EPHA3: variants seen among roughly 807,000 people sequenced by gnomAD.
The protein encoded by EPHA3 is EPH receptor A3.
A neutral mutation model predicts 107.1 loss-of-function variants in EPHA3; 42 were observed. The ratio of observed to expected loss-of-function variants is 0.39; its 90% confidence interval spans 0.31 to 0.51. The LOEUF (loss-of-function observed/expected upper bound fraction) is 0.51. EPHA3 is among the 20% of genes least tolerant of loss of function. The pLI is 0.78. For synonymous variants in EPHA3, 461 were observed against 424.8 expected, an observed-to-expected ratio of 1.09 and a Z score of -1.05; for missense variants, 1,183 against 1,211.2, an observed-to-expected ratio of 0.98 and a Z score of 0.35.
intron 5 of EPHA3, among the ~76,000 whole-genome samples, chr3:89,358,409 A>G (rs1298089115): frequency 6.6e-6 from 1 of 151,126 alleles, no homozygotes; most frequent in African/African-American, 2.4e-5. Flanking sequence ...AACACACTCA[A>G]TTACTTGCCT....
intron 5 of EPHA3, among the ~76,000 whole-genome samples, chr3:89,393,610 A>T (rs1708787959): frequency 6.6e-6 from 1 of 152,156 alleles, no homozygotes; most frequent in East Asian, 1.9e-4. Context: ...TGCTCTTGAA[A>T]CCAACATTAA....
chr3:89,440,262 G>A (rs1709758460), intron 13 of EPHA3, among the ~76,000 whole-genome samples: 1 of 152,114 alleles, frequency 6.6e-6, no homozygotes, highest in Non-Finnish European at 1.5e-5. Context: ...AACCTGAGAA[G>A]CTAATATTTC....
chr3:89,324,019 G>T (rs551230409), intron 3 of EPHA3, among the ~76,000 whole-genome samples: 31 of 151,966 alleles, frequency 2.0e-4, no homozygotes, highest in African/African-American at 7.0e-4. Context: ...TGCTAACTTG[G>T]CATTTCCTAT....
intron 7 of EPHA3, chr3:89,400,259 TCTCGGCTCACTGCAAG>T (rs2107509829): frequency 4.5e-6 from 1 of 222,390 alleles, no homozygotes; most frequent in East Asian, 1.2e-4. Flanking sequence ...AGCAGAGCGA[TCTCGGCTCACTGCAAG>T]CTCCTGCAAG....
At chr3:89,441,654 A>C (rs1709789364) in intron 13 of EPHA3, among the ~76,000 whole-genome samples, 1 of 152,176 alleles carries the variant, frequency 6.6e-6, no homozygotes, top group East Asian at 1.9e-4. Context: ...AGAAAAAAAT[A>C]ACACTCATGC....
chr3:89,305,167 T>A (rs963329271), intron 3 of EPHA3, among the ~76,000 whole-genome samples: 3 of 152,164 alleles, frequency 2.0e-5, no homozygotes, highest in Non-Finnish European at 4.4e-5. Context: ...TTCTCACAAG[T>A]TTTTTCTTTT....
At chr3:89,276,370 C>A (rs2137487) in intron 3 of EPHA3, among the ~76,000 whole-genome samples, 16 of 151,854 alleles carry the variant, frequency 1.1e-4, no homozygotes, top group Non-Finnish European at 1.8e-4. Flanking sequence ...ATTGATCAAA[C>A]CTGTCACTAG....
chr3:89,211,813 T>C (rs904042873), intron 3 of EPHA3, among the ~76,000 whole-genome samples: 3 of 107,494 alleles, frequency 2.8e-5, no homozygotes, highest in East Asian at 2.2e-4. Context: ...CTTCTTCTTC[T>C]TCTTCTCCTT....
rs867931903 is a variant in EPHA3 at position 89,419,207 on chromosome 3, G to A, written c.1891G>A (p.Glu631Lys). The stretch of plus-strand genomic sequence containing the variant: ...GTTGCTGTTCTGCTTTATAACAGGT[G>A]AATTTGGAGAGGTGTGCAGTGGTCG... ...ISIDKVVGAGEFGEVCSGRLK... is the reference protein window; with the variant it reads ...ISIDKVVGAGKFGEVCSGRLK... Residue 631 changes from glutamate to lysine, a missense_variant and splice_region_variant, in exon 11 of 17, where the codon GAA becomes AAA. Coordinates refer to ENST00000336596, the MANE Select transcript of EPHA3 (RefSeq NM_005233.6). 6.3e-7 allele frequency: 1 copy of A among 1,593,034 alleles called. No homozygotes were observed. Among genetic ancestry groups the A allele is most frequent in the Non-Finnish European group, 8.5e-7 (1 of 1,171,844 alleles).
chr3:89,471,554 G>A (rs1710402355), intron 15 of EPHA3, among the ~76,000 whole-genome samples: 3 of 152,060 alleles, frequency 2.0e-5, no homozygotes, highest in Non-Finnish European at 4.4e-5. Flanking sequence ...AGTAGAGATG[G>A]AGTTTCTCCA....
At chr3:89,188,155 TC>T (rs947595332) in intron 2 of EPHA3, among the ~76,000 whole-genome samples, 12 of 152,136 alleles carry the variant, frequency 7.9e-5, no homozygotes, top group Non-Finnish European at 1.3e-4. Context: ...TGTTTGTAAT[TC>T]CCCCTTTAAT....
chr3:89,444,680 A>T (rs1709847453), intron 13 of EPHA3, among the ~76,000 whole-genome samples: 1 of 152,104 alleles, frequency 6.6e-6, no homozygotes, highest in Admixed American at 6.5e-5. Flanking sequence ...AGGAGCAGAC[A>T]CTTTTTAAAT....
At chr3:89,357,302 T>G (rs138506781) in intron 5 of EPHA3, among the ~76,000 whole-genome samples, 8 of 150,566 alleles carry the variant, frequency 5.3e-5, no homozygotes, top group African/African-American at 1.9e-4. Context: ...TTACAACTAC[T>G]TAGGAAATGC....
At chr3:89,226,288 T>C (rs1704502373) in intron 3 of EPHA3, among the ~76,000 whole-genome samples, 1 of 152,100 alleles carries the variant, frequency 6.6e-6, no homozygotes, top group African/African-American at 2.4e-5. Flanking sequence ...CTTAGTAGTG[T>C]CATTGAGAGG....
At chr3:89,468,525 C>A (rs991983193) in intron 15 of EPHA3, among the ~76,000 whole-genome samples, 2 of 152,082 alleles carry the variant, frequency 1.3e-5, no homozygotes, top group Non-Finnish European at 2.9e-5. Context: ...CCCACAAACC[C>A]ATAAATAAAA....
intron 3 of EPHA3, among the ~76,000 whole-genome samples, chr3:89,263,190 T>C (rs1705461750): frequency 6.6e-6 from 1 of 151,812 alleles, no homozygotes; most frequent in Admixed American, 6.6e-5. Context: ...CTCTCACATG[T>C]GAGAGCATGT....
At chr3:89,456,701 A>G (rs1248165798) in intron 15 of EPHA3, among the ~76,000 whole-genome samples, 8 of 152,198 alleles carry the variant, frequency 5.3e-5, no homozygotes, top group African/African-American at 1.9e-4. Flanking sequence ...TAGATGCTGC[A>G]AAGAATCATA....
At chr3:89,298,180 C>A (rs1576296952) in intron 3 of EPHA3, among the ~76,000 whole-genome samples, 3 of 152,154 alleles carry the variant, frequency 2.0e-5, no homozygotes, top group Non-Finnish European at 4.4e-5. Flanking sequence ...TTGGATAGTT[C>A]TTTCCCTGAC....
At chr3:89,450,457 A>C (rs111400132) in intron 15 of EPHA3, 87 bp downstream of exon 15, 3 of 1,312,832 alleles carry the variant, frequency 2.3e-6, no homozygotes, top group African/African-American at 1.5e-5. Context: ...CCCACCCCCA[A>C]AATGCATTAT....
Sources: allele counts gnomAD v4.1 joint callset (sites outside exome capture counted in the v4.1 genomes callset), GRCh38; gene constraint gnomAD v4.1.1; transcripts MANE v1.5; gene names NCBI Gene and HGNC (gene_info 2026-07-23, HGNC 2026-07-21).